STIM2: variants seen among roughly 807,000 people sequenced by gnomAD.
The protein encoded by STIM2 is stromal interaction molecule 2.
STIM2 carries 31 observed loss-of-function variants against 85.8 expected under a neutral mutation model. The observed-to-expected ratio is 0.36, with a 90% CI of 0.27 to 0.49. The LOEUF (loss-of-function observed/expected upper bound fraction) is 0.49. STIM2 is among the 20% of genes least tolerant of loss of function. The pLI is 0.98. For synonymous variants in STIM2, 356 were observed against 331.1 expected, an observed-to-expected ratio of 1.08 and a Z score of -0.82; for missense variants, 841 against 927.6, an observed-to-expected ratio of 0.91 and a Z score of 1.21.
intron 1 of STIM2, among the ~76,000 whole-genome samples, chr4:26,877,934 G>A (rs6845089): frequency 6.6e-6 from 1 of 152,142 alleles, no homozygotes; most frequent in Non-Finnish European, 1.5e-5. Context: ...TCCCTTTTGT[G>A]TCTCTCTCTT....
At chr4:26,975,484 T>C (rs1727149592) in intron 3 of STIM2, among the ~76,000 whole-genome samples, 1 of 152,226 alleles carries the variant, frequency 6.6e-6, no homozygotes. Flanking sequence ...TAGTTTTCTT[T>C]CTAACAGTCA....
At chr4:26,931,104 A>G (rs937797382) in intron 2 of STIM2, among the ~76,000 whole-genome samples, 5 of 152,198 alleles carry the variant, frequency 3.3e-5, no homozygotes, top group African/African-American at 7.2e-5. Flanking sequence ...TTTCTGCCGT[A>G]TAAGTCTCTC....
At chr4:26,947,855 A>G (rs1027596425) in intron 2 of STIM2, among the ~76,000 whole-genome samples, 4 of 152,206 alleles carry the variant, frequency 2.6e-5, no homozygotes, top group African/African-American at 9.6e-5. Context: ...GACTCTGTGT[A>G]TCAAAAGCCT....
chr4:27,009,580 CT>C (rs972192670), intron 10 of STIM2, among the ~76,000 whole-genome samples: 2 of 152,166 alleles, frequency 1.3e-5, no homozygotes, highest in African/African-American at 4.8e-5. Context: ...GCTGGTTTTA[CT>C]TCTCTGGTTT....
At chr4:26,921,538 A>T (rs999997488) in intron 2 of STIM2, among the ~76,000 whole-genome samples, 1 of 152,246 alleles carries the variant, frequency 6.6e-6, no homozygotes, top group South Asian at 2.1e-4. Flanking sequence ...CTGTTTTCCA[A>T]TAAAACTTTA....
intron 2 of STIM2, among the ~76,000 whole-genome samples, chr4:26,934,913 C>CAAAAAAAAAA (rs1160656482): frequency 5.2e-5 from 3 of 57,602 alleles, no homozygotes; most frequent in Non-Finnish European, 7.0e-5. Flanking sequence ...AACTCCATCT[C>CAAAAAAAAAA]AAAAAAAAAA....
intron 10 of STIM2, among the ~76,000 whole-genome samples, chr4:27,012,015 T>C (rs1408845042): frequency 6.6e-6 from 1 of 152,234 alleles, no homozygotes; most frequent in Middle Eastern, 3.4e-3. Context: ...TTGTTCATAG[T>C]GTGAAGTTGG....
intron 2 of STIM2, among the ~76,000 whole-genome samples, chr4:26,942,051 G>T (rs1725627408): frequency 6.6e-6 from 1 of 151,478 alleles, no homozygotes; most frequent in Non-Finnish European, 1.5e-5. Context: ...CCCATACTTG[G>T]TGATATGTTT....
chr4:26,957,541 T>G lies in STIM2; in HGVS notation c.283-71T>G, dbSNP rs1380058021. The G allele has an allele frequency of 8.8e-6, 8 of 910,820 alleles. No homozygotes were observed. In the Admixed American group the frequency reaches 2.5e-4, roughly 28 times the overall value. The allele number at this position is 910,820 out of a possible 1,614,324, so 56.4% of individuals were successfully genotyped here. On this transcript the variant is annotated intron_variant, in intron 2 of 11. Transcript: ENST00000467087. ...ATAGTCACCCACTGGATATCAGATT[T>G]CATCTTTTTCTCTAGTTGTCAAGAC...
intron 2 of STIM2, among the ~76,000 whole-genome samples, chr4:26,930,052 A>T (rs1316640055): frequency 6.6e-6 from 1 of 152,142 alleles, no homozygotes; most frequent in Non-Finnish European, 1.5e-5. Context: ...CAGGAATAGG[A>T]TATAAAGCTT....
chr4:26,946,733 G>A (rs1725847934), intron 2 of STIM2, among the ~76,000 whole-genome samples: 2 of 152,168 alleles, frequency 1.3e-5, no homozygotes, highest in South Asian at 4.1e-4. Context: ...GAAAAAGGAT[G>A]CATAGACATA....
intron 2 of STIM2, among the ~76,000 whole-genome samples, chr4:26,952,469 T>C (rs1030906415): frequency 1.3e-5 from 2 of 152,234 alleles, no homozygotes; most frequent in South Asian, 2.1e-4. Flanking sequence ...ATAGTTGACA[T>C]TGAGTGTCGA....
At chr4:26,945,349 TG>T (rs1218886114) in intron 2 of STIM2, among the ~76,000 whole-genome samples, 1 of 152,230 alleles carries the variant, frequency 6.6e-6, no homozygotes, top group African/African-American at 2.4e-5. Context: ...CTGTCATTGA[TG>T]GGCGTTTAGG....
intron 3 of STIM2, among the ~76,000 whole-genome samples, chr4:26,982,838 A>G (rs1727449271): frequency 6.6e-6 from 1 of 152,172 alleles, no homozygotes; most frequent in South Asian, 2.1e-4. Context: ...ATTTCAGTCC[A>G]ACACTTTGGG....
intron 3 of STIM2, among the ~76,000 whole-genome samples, chr4:26,970,711 A>G (rs946526880): frequency 2.6e-5 from 4 of 152,146 alleles, no homozygotes; most frequent in African/African-American, 7.2e-5. Flanking sequence ...ACACGTGTGC[A>G]TGTGTCTTTA....
At chr4:26,936,723 G>A (rs945605492) in intron 2 of STIM2, among the ~76,000 whole-genome samples, 9 of 152,216 alleles carry the variant, frequency 5.9e-5, no homozygotes, top group African/African-American at 2.2e-4. Flanking sequence ...TGAGATCTGT[G>A]TATGAAGAAC....
intron 11 of STIM2, chr4:27,021,645 A>G (rs944024138): frequency 4.4e-6 from 2 of 456,720 alleles, no homozygotes; most frequent in Non-Finnish European, 8.8e-6. Context: ...TTGAGTTTTT[A>G]AAAATCACTT....
At chr4:26,920,294 G>A (rs1724750438) in intron 2 of STIM2, among the ~76,000 whole-genome samples, 1 of 152,148 alleles carries the variant, frequency 6.6e-6, no homozygotes, top group African/African-American at 2.4e-5. Flanking sequence ...CAGAATCTGT[G>A]TGGAAGAAGA....
At chr4:26,907,896 C>T (rs1724188989) in intron 1 of STIM2, among the ~76,000 whole-genome samples, 1 of 152,214 alleles carries the variant, frequency 6.6e-6, no homozygotes, top group Admixed American at 6.5e-5. Context: ...GCACAGCGCA[C>T]ATATGTCTGA....
Sources: allele counts gnomAD v4.1 joint callset (sites outside exome capture counted in the v4.1 genomes callset), GRCh38; gene constraint gnomAD v4.1.1; transcripts MANE v1.5; gene names NCBI Gene and HGNC (gene_info 2026-07-23, HGNC 2026-07-21).